The following LARGE1 variants were observed in gnomAD, a reference collection of about 807,000 sequenced individuals.
LARGE1 encodes the protein LARGE xylosyl- and glucuronyltransferase 1, also known as xylosyl- and glucuronyltransferase LARGE1.
In LARGE1, 43 loss-of-function variants were observed where a neutral mutation model predicts 87.6. The observed-to-expected ratio is 0.49, with a 90% CI of 0.38 to 0.63. The LOEUF is 0.63. LARGE1 is among the 30% of genes least tolerant of loss of function. The probability of loss-of-function intolerance (pLI) is 0.00; values close to 1 mark genes in which losing one functional copy is unlikely to be tolerated. For missense variants in LARGE1, 802 were observed against 1,000.2 expected, an observed-to-expected ratio of 0.80 and a Z score of 2.67; for synonymous variants, 434 against 394.6, an observed-to-expected ratio of 1.10 and a Z score of -1.18.
intron 6 of LARGE1, among the ~76,000 whole-genome samples, chr22:33,439,966 C>A (rs73882227): frequency 6.6e-6 from 1 of 152,288 alleles, no homozygotes; most frequent in African/African-American, 2.4e-5. Context: ...GAGTGTTTCT[C>A]AAATTCATCC....
chr22:33,612,454 T>C (rs961931152), intron 4 of LARGE1, among the ~76,000 whole-genome samples: 2 of 152,184 alleles, frequency 1.3e-5, no homozygotes, highest in East Asian at 1.9e-4. Flanking sequence ...ATAGGTGACA[T>C]AGGGCTAACT....
At chr22:33,242,016 T>C (rs1014653046) in intron 11 of LARGE1, among the ~76,000 whole-genome samples, 1 of 152,152 alleles carries the variant, frequency 6.6e-6, no homozygotes, top group Non-Finnish European at 1.5e-5. Flanking sequence ...GTTTTCACCA[T>C]AGAAAAATAA....
chr22:33,882,609 T>A (rs1421361820), intron 1 of LARGE1, among the ~76,000 whole-genome samples: 1 of 152,216 alleles, frequency 6.6e-6, no homozygotes, highest in Non-Finnish European at 1.5e-5. Context: ...CTTTATCATA[T>A]AAGGCAACTA....
At chr22:33,548,404 G>A (rs2077426770) in intron 6 of LARGE1, among the ~76,000 whole-genome samples, 1 of 140,998 alleles carries the variant, frequency 7.1e-6, no homozygotes, top group African/African-American at 2.6e-5. Flanking sequence ...AAATTACCCA[G>A]TCTCAGGCAT....
At chr22:33,122,201 T>C in the LARGE1 span, among the ~76,000 whole-genome samples, 1 of 152,100 alleles carries the variant, frequency 6.6e-6, no homozygotes, top group Admixed American at 6.6e-5. Flanking sequence ...ATTAAATGAG[T>C]TAGTATGTGA....
chr22:33,809,228 C>T (rs188413984), intron 1 of LARGE1, among the ~76,000 whole-genome samples: 3 of 151,502 alleles, frequency 2.0e-5, no homozygotes, highest in East Asian at 3.9e-4. Context: ...GCCGAGATTG[C>T]GCCACTGCAC....
chr22:33,732,371 T>A (rs941941929), intron 2 of LARGE1: 1 of 152,122 alleles, frequency 6.6e-6, no homozygotes, highest in Non-Finnish European at 1.5e-5. Context: ...AGGAAGCCTG[T>A]GGATGCCCTG....
intron 11 of LARGE1, among the ~76,000 whole-genome samples, chr22:33,229,587 T>A (rs1189891689): frequency 2.0e-5 from 3 of 152,012 alleles, no homozygotes; most frequent in Non-Finnish European, 2.9e-5. Context: ...GGAAATAAAG[T>A]AGAATTTAGA....
intron 12 of LARGE1, among the ~76,000 whole-genome samples, chr22:33,295,040 C>A (rs1933043726): frequency 6.6e-6 from 1 of 152,140 alleles, no homozygotes; most frequent in Admixed American, 6.6e-5. Flanking sequence ...ATAACATTTG[C>A]CCAGGGCCTA....
intron 1 of LARGE1, among the ~76,000 whole-genome samples, chr22:33,822,322 C>T (rs577246521): frequency 2.0e-5 from 3 of 152,242 alleles, no homozygotes; most frequent in South Asian, 2.1e-4. Flanking sequence ...GGTTTCTGGC[C>T]GGCATCTGAA....
intron 9 of LARGE1, among the ~76,000 whole-genome samples, chr22:33,376,460 G>C (rs967953507): frequency 1.3e-5 from 2 of 152,148 alleles, no homozygotes; most frequent in Non-Finnish European, 2.9e-5. Flanking sequence ...TGATGTCTGG[G>C]CCACACAAGG....
chr22:33,339,044 A>G (rs1395282574), intron 9 of LARGE1, among the ~76,000 whole-genome samples: 2 of 151,666 alleles, frequency 1.3e-5, no homozygotes, highest in African/African-American at 4.8e-5. Context: ...GCTACTCAGG[A>G]GGCTGAGGCA....
chr22:33,344,344 A>C (rs553187177), intron 9 of LARGE1, among the ~76,000 whole-genome samples: 1 of 152,218 alleles, frequency 6.6e-6, no homozygotes, highest in African/African-American at 2.4e-5. Context: ...AGAGATACAC[A>C]CAAGAGACCA....
chr22:33,545,126 G>C (rs1399187411), intron 6 of LARGE1, among the ~76,000 whole-genome samples: 2 of 152,132 alleles, frequency 1.3e-5, no homozygotes, highest in Middle Eastern at 3.4e-3. Context: ...ACATAGAAGA[G>C]ACGAATTCAT....
At chr22:33,512,647 C>T (rs1175330422) in intron 6 of LARGE1, among the ~76,000 whole-genome samples, 5 of 151,870 alleles carry the variant, frequency 3.3e-5, no homozygotes, top group Admixed American at 2.0e-4. Flanking sequence ...TACTAAAATA[C>T]AAAAATTTAG....
intron 1 of LARGE1, among the ~76,000 whole-genome samples, chr22:33,867,881 G>C (rs1268638344): frequency 6.6e-6 from 1 of 152,152 alleles, no homozygotes; most frequent in African/African-American, 2.4e-5. Flanking sequence ...GGCTAGACAA[G>C]AAGAGGAGAT....
chr22:33,142,554 C>G, the LARGE1 span, among the ~76,000 whole-genome samples: 5 of 152,282 alleles, frequency 3.3e-5, no homozygotes, highest in Non-Finnish European at 2.9e-5. Flanking sequence ...CTGCCACACA[C>G]TGATAGAACT....
the LARGE1 span, among the ~76,000 whole-genome samples, chr22:33,146,193 G>C: frequency 6.6e-6 from 1 of 152,172 alleles, no homozygotes; most frequent in Non-Finnish European, 1.5e-5. Context: ...TTTCCTTAAA[G>C]CACAATTGCA....
At chr22:33,863,438 C>T (rs9621784) in intron 1 of LARGE1, among the ~76,000 whole-genome samples, 96,678 of 151,938 alleles carry the variant, frequency 0.64, 31,004 homozygotes, top group East Asian at 0.73. Context: ...CTAGAAGACC[C>T]TGTAAGTTCA....
Sources: allele counts gnomAD v4.1 joint callset (sites outside exome capture counted in the v4.1 genomes callset), GRCh38; gene constraint gnomAD v4.1.1; transcripts MANE v1.5; gene names NCBI Gene and HGNC (gene_info 2026-07-23, HGNC 2026-07-21).